Variants in TPTE observed in about 807,000 individuals in gnomAD.
TPTE encodes putative tyrosine-protein phosphatase TPTE.
TPTE carries 59 observed loss-of-function variants against 84.1 expected under a neutral mutation model. The ratio of observed to expected loss-of-function variants is 0.70; its 90% CI spans 0.57 to 0.87. The LOEUF (loss-of-function observed/expected upper bound fraction) is 0.87. Among genes scored for constraint, TPTE ranks in the 40% least tolerant of loss-of-function variants. The pLI, the probability that TPTE is intolerant of heterozygous loss-of-function variation, is 0.00. For synonymous variants in TPTE, 130 were observed against 223.5 expected (o/e 0.58, Z 3.73); for missense variants, 382 against 659.6 (o/e 0.58, Z 4.61).
intron 4 of TPTE, among the ~76,000 whole-genome samples, chr21:10,539,923 T>C (rs1215731246): frequency 6.6e-6 from 1 of 152,298 alleles, no homozygotes; most frequent in Non-Finnish European, 1.5e-5. Context: ...GCAGGAGAAT[T>C]GCTTGAACCC....
intron 6 of TPTE, among the ~76,000 whole-genome samples, 195 bp from the exon 7 acceptor site, chr21:10,543,134 A>G (rs1443175462): frequency 7.7e-6 from 1 of 129,066 alleles, no homozygotes; most frequent in Non-Finnish European, 1.5e-5. Context: ...GGTTCACGCC[A>G]TTCTCCTGCC....
At chr21:10,554,826 A>G (rs1255199989) in intron 8 of TPTE, among the ~76,000 whole-genome samples, 7 of 152,310 alleles carry the variant, frequency 4.6e-5, no homozygotes, top group Non-Finnish European at 7.3e-5. Flanking sequence ...TATAAAGTGT[A>G]GAAATTTACT....
At chr21:10,550,350 G>T (rs1002984215) in intron 7 of TPTE, among the ~76,000 whole-genome samples, 6 of 152,304 alleles carry the variant, frequency 3.9e-5, no homozygotes, top group African/African-American at 1.4e-4. Context: ...CACTTTACCG[G>T]TATAGAAACA....
intron 14 of TPTE, among the ~76,000 whole-genome samples, chr21:10,574,669 T>C (rs1216905324): frequency 2.6e-5 from 4 of 152,308 alleles, no homozygotes; most frequent in African/African-American, 9.6e-5. Context: ...GAGGGTGCGA[T>C]GGCCCAGCCG....
intron 17 of TPTE, among the ~76,000 whole-genome samples, chr21:10,587,196 C>G (rs2075382207): frequency 6.6e-6 from 1 of 152,038 alleles, no homozygotes; most frequent in Non-Finnish European, 1.5e-5. Context: ...AAAAGACTTT[C>G]TTTTTCTTTT....
At chr21:10,559,201 G>T (rs1466932407) in intron 8 of TPTE, among the ~76,000 whole-genome samples, 2 of 152,310 alleles carry the variant, frequency 1.3e-5, no homozygotes, top group African/African-American at 4.8e-5. Flanking sequence ...TTGAGATGAT[G>T]ACCACCAGTT....
At chr21:10,575,618 A>C (rs568167918) in intron 14 of TPTE, among the ~76,000 whole-genome samples, 70 of 152,294 alleles carry the variant, frequency 4.6e-4, no homozygotes, top group African/African-American at 1.7e-3. Flanking sequence ...TGCGGGCTGG[A>C]TACAGGTCAG....
chr21:10,558,180 T>C, intron 8 of TPTE, among the ~76,000 whole-genome samples: 1 of 152,308 alleles, frequency 6.6e-6, no homozygotes, highest in African/African-American at 2.4e-5. Flanking sequence ...GTTGATTCCA[T>C]GTCTTTGCTA....
At chr21:10,593,065 C>T (rs1279074273) in intron 19 of TPTE, among the ~76,000 whole-genome samples, 2 of 152,310 alleles carry the variant, frequency 1.3e-5, no homozygotes, top group Admixed American at 6.5e-5. Context: ...ACACTATATC[C>T]TCATGTAGTC....
At chr21:10,542,299 A>G in intron 5 of TPTE, 96 bp from the exon 6 acceptor site, 3 of 1,441,654 alleles carry the variant, frequency 2.1e-6, no homozygotes, top group East Asian at 2.4e-5. Flanking sequence ...TCAGAAATTA[A>G]TTGGTTTCTG....
intron 3 of TPTE, among the ~76,000 whole-genome samples, chr21:10,528,829 A>G (rs2074127232): frequency 6.6e-6 from 1 of 152,312 alleles, no homozygotes; most frequent in Admixed American, 6.5e-5. Context: ...ATGAGATGGC[A>G]GCTTAACAAT....
At chr21:10,584,842 A>G (rs1216282893) in intron 17 of TPTE, among the ~76,000 whole-genome samples, 3 of 152,308 alleles carry the variant, frequency 2.0e-5, no homozygotes, top group Non-Finnish European at 2.9e-5. Flanking sequence ...TCCATTATCA[A>G]AGGAAAAGCT....
intron 12 of TPTE, 73 bp downstream of exon 12, chr21:10,569,609 T>A: frequency 6.2e-7 from 1 of 1,613,844 alleles, no homozygotes; most frequent in Non-Finnish European, 8.5e-7. Flanking sequence ...AGGGTTGATA[T>A]CTATACTGTA....
At chr21:10,597,538 C>A (rs1339176441) in intron 20 of TPTE, among the ~76,000 whole-genome samples, 1 of 152,294 alleles carries the variant, frequency 6.6e-6, no homozygotes, top group Non-Finnish European at 1.5e-5. Flanking sequence ...TCTCAGCCTC[C>A]TAAGTAGCTG....
intron 17 of TPTE, among the ~76,000 whole-genome samples, 176 bp from the exon 18 acceptor site, chr21:10,590,286 G>T (rs1295674147): frequency 6.6e-6 from 1 of 152,306 alleles, no homozygotes; most frequent in East Asian, 1.9e-4. Context: ...TTTTTCACCT[G>T]TGAGATGGAG....
intron 3 of TPTE, among the ~76,000 whole-genome samples, chr21:10,528,713 T>C (rs189577409): frequency 6.6e-6 from 1 of 152,300 alleles, no homozygotes; most frequent in African/African-American, 2.4e-5. Flanking sequence ...AATATTTTTT[T>C]ATATTTTGAA....
At chr21:10,570,771 C>T (rs1376595655) in intron 14 of TPTE, among the ~76,000 whole-genome samples, 1 of 152,310 alleles carries the variant, frequency 6.6e-6, no homozygotes. Context: ...GCTCATGATA[C>T]TGTGGTATGT....
At chr21:10,572,811 TA>T (rs1277143058) in intron 14 of TPTE, among the ~76,000 whole-genome samples, 1 of 152,278 alleles carries the variant, frequency 6.6e-6, no homozygotes, top group African/African-American at 2.4e-5. Flanking sequence ...CACAAACGTG[TA>T]AAACTCACCT....
intron 4 of TPTE, among the ~76,000 whole-genome samples, chr21:10,540,184 C>T: frequency 6.6e-6 from 1 of 152,426 alleles, no homozygotes; most frequent in South Asian, 2.1e-4. Context: ...AGTAGGCTGG[C>T]CAATGCACCA....
Sources: allele counts gnomAD v4.1 joint callset (sites outside exome capture counted in the v4.1 genomes callset), GRCh38; gene constraint gnomAD v4.1.1; transcripts MANE v1.5; gene names NCBI Gene and HGNC (gene_info 2026-07-23, HGNC 2026-07-21).